Variants in PRKD1 observed in about 807,000 individuals in gnomAD.
The protein encoded by PRKD1 is protein kinase D1, also known as serine/threonine-protein kinase D1.
PRKD1 carries 63 observed loss-of-function variants against 95.9 expected under a neutral mutation model. The ratio of observed to expected loss-of-function variants is 0.66; its 90% confidence interval spans 0.54 to 0.81. The LOEUF is 0.81. PRKD1 is among the 30% of genes least tolerant of loss of function. The probability of loss-of-function intolerance (pLI) is 0.00; values close to 1 mark genes in which losing one functional copy is unlikely to be tolerated. For synonymous variants in PRKD1, 425 were observed against 423.1 expected (o/e 1.00, Z -0.05); for missense variants, 1,048 against 1,165.3 (o/e 0.90, Z 1.47).
At chr14:29,653,179 A>C (rs1185383990) in intron 4 of PRKD1, among the ~76,000 whole-genome samples, 1 of 152,184 alleles carries the variant, frequency 6.6e-6, no homozygotes, top group East Asian at 1.9e-4. Context: ...GCAACCTCAC[A>C]TAAAAAGTTA....
intron 1 of PRKD1, among the ~76,000 whole-genome samples, chr14:29,868,870 C>T (rs142174378): frequency 5.3e-5 from 8 of 152,140 alleles, no homozygotes; most frequent in Non-Finnish European, 1.0e-4. Flanking sequence ...CCAATCGATA[C>T]GGACACAAGT....
intron 1 of PRKD1, among the ~76,000 whole-genome samples, chr14:29,882,750 T>C (rs1893556965): frequency 6.6e-6 from 1 of 152,226 alleles, no homozygotes; most frequent in Non-Finnish European, 1.5e-5. Context: ...AGAGAGTATT[T>C]GTTTTTTTGT....
intron 1 of PRKD1, among the ~76,000 whole-genome samples, chr14:29,903,040 C>T (rs10131566): frequency 0.083 from 12,595 of 152,178 alleles, 779 homozygotes; most frequent in African/African-American, 0.17. Flanking sequence ...GCTCTCAGCT[C>T]TAGGGCAGTC....
chr14:29,858,975 TC>T (rs1400374852), intron 1 of PRKD1, among the ~76,000 whole-genome samples: 1 of 152,084 alleles, frequency 6.6e-6, no homozygotes, highest in Non-Finnish European at 1.5e-5. Flanking sequence ...CAATACCTTT[TC>T]CCCCTAATTG....
intron 1 of PRKD1, among the ~76,000 whole-genome samples, chr14:29,925,822 T>C (rs1286097484): frequency 6.6e-6 from 1 of 152,260 alleles, no homozygotes; most frequent in Non-Finnish European, 1.5e-5. Context: ...TACGTGCTTA[T>C]GAAGCATTGC....
chr14:29,863,538 T>G (rs2139363460), intron 1 of PRKD1, among the ~76,000 whole-genome samples: 1 of 152,290 alleles, frequency 6.6e-6, no homozygotes, highest in African/African-American at 2.4e-5. Flanking sequence ...GATTTTAGAC[T>G]TCTGGACTCG....
At chr14:29,786,645 C>G (rs1161564355) in intron 1 of PRKD1, among the ~76,000 whole-genome samples, 1 of 152,120 alleles carries the variant, frequency 6.6e-6, no homozygotes, top group Non-Finnish European at 1.5e-5. Context: ...TCATAATAGT[C>G]TCCAATGATC....
intron 1 of PRKD1, among the ~76,000 whole-genome samples, chr14:29,728,556 T>C (rs1290452767): frequency 6.6e-6 from 1 of 152,190 alleles, no homozygotes; most frequent in Admixed American, 6.5e-5. Context: ...TGGCTGGCTT[T>C]TTTGGCTTAT....
At chr14:29,612,240 C>T (rs923899388) in intron 13 of PRKD1, among the ~76,000 whole-genome samples, 1 of 152,106 alleles carries the variant, frequency 6.6e-6, no homozygotes, top group Non-Finnish European at 1.5e-5. Flanking sequence ...TAAAATTAAA[C>T]AAGTTTTCAA....
intron 2 of PRKD1, among the ~76,000 whole-genome samples, chr14:29,712,892 C>G (rs141672462): frequency 6.6e-6 from 1 of 152,096 alleles, no homozygotes; most frequent in Non-Finnish European, 1.5e-5. Flanking sequence ...AATCATGGAA[C>G]AAAAGGAATA....
At chr14:29,840,928 CA>C (rs1263935438) in intron 1 of PRKD1, among the ~76,000 whole-genome samples, 2 of 152,160 alleles carry the variant, frequency 1.3e-5, no homozygotes, top group Admixed American at 6.5e-5. Context: ...CAAACCGTAT[CA>C]GGGGTAGTGC....
intron 1 of PRKD1, among the ~76,000 whole-genome samples, chr14:29,744,000 G>A (rs973853814): frequency 6.6e-6 from 1 of 152,016 alleles, no homozygotes; most frequent in Non-Finnish European, 1.5e-5. Flanking sequence ...GAGTGTTCAG[G>A]ACTCACTCTT....
At chr14:29,845,406 A>G (rs1892041373) in intron 1 of PRKD1, among the ~76,000 whole-genome samples, 1 of 152,210 alleles carries the variant, frequency 6.6e-6, no homozygotes, top group Admixed American at 6.5e-5. Context: ...ATGACTATTC[A>G]CAGAATTATT....
chr14:29,773,076 T>C (rs1261981369), intron 1 of PRKD1, among the ~76,000 whole-genome samples: 1 of 152,244 alleles, frequency 6.6e-6, no homozygotes, highest in African/African-American at 2.4e-5. Context: ...GAAAATATTT[T>C]AGAGGATCAG....
intron 16 of PRKD1, among the ~76,000 whole-genome samples, chr14:29,584,078 G>T (rs1319805517): frequency 1.3e-5 from 2 of 152,118 alleles, no homozygotes; most frequent in African/African-American, 4.8e-5. Flanking sequence ...AAGGATACCT[G>T]AACAAAGACA....
chr14:29,675,828 A>G (rs1883137785), intron 2 of PRKD1, among the ~76,000 whole-genome samples: 1 of 152,082 alleles, frequency 6.6e-6, no homozygotes. Flanking sequence ...TGTCCTTTGC[A>G]GGGACATGGA....
chr14:29,640,520 C>T (rs906362995), intron 4 of PRKD1, among the ~76,000 whole-genome samples: 2 of 152,118 alleles, frequency 1.3e-5, no homozygotes, highest in African/African-American at 2.4e-5. Flanking sequence ...CATAATTATT[C>T]TGGAAAGGTT....
At chr14:29,825,066 T>C (rs1891057059) in intron 1 of PRKD1, among the ~76,000 whole-genome samples, 1 of 152,110 alleles carries the variant, frequency 6.6e-6, no homozygotes, top group Non-Finnish European at 1.5e-5. Flanking sequence ...GTATAAAAAT[T>C]TTCCAAAGAG....
intron 1 of PRKD1, among the ~76,000 whole-genome samples, chr14:29,900,963 T>C (rs1220641427): frequency 6.6e-6 from 1 of 152,180 alleles, no homozygotes; most frequent in Admixed American, 6.5e-5. Context: ...AAGCTACCAT[T>C]TGACCCAGCA....
Sources: allele counts gnomAD v4.1 joint callset (sites outside exome capture counted in the v4.1 genomes callset), GRCh38; gene constraint gnomAD v4.1.1; transcripts MANE v1.5; gene names NCBI Gene and HGNC (gene_info 2026-07-23, HGNC 2026-07-21).